CAST: variants seen among roughly 807,000 people sequenced by gnomAD.
CAST encodes MIR583 host.
CAST carries 76 observed loss-of-function variants against 119.6 expected under a neutral mutation model. The observed-to-expected ratio is 0.64, with a 90% confidence interval of 0.53 to 0.77. CAST has a LOEUF of 0.77. Ranked by LOEUF, CAST falls within the 30% of genes least tolerant of loss-of-function variation. The pLI, the probability that CAST is intolerant of heterozygous loss-of-function variation, is 0.00. For missense variants in CAST, 953 were observed against 946.5 expected, an observed-to-expected ratio of 1.01 and a Z score of -0.09; for synonymous variants, 319 against 331.6, an observed-to-expected ratio of 0.96 and a Z score of 0.41.
intron 1 of CAST, among the ~76,000 whole-genome samples, chr5:96,607,689 C>T (rs147020414): frequency 7.3e-6 from 1 of 137,088 alleles, no homozygotes; most frequent in Non-Finnish European, 1.6e-5. Flanking sequence ...CTGCTCTTTA[C>T]AATTAAGTTT....
At chr5:96,146,313 C>T in the CAST span, among the ~76,000 whole-genome samples, 1 of 152,186 alleles carries the variant, frequency 6.6e-6, no homozygotes, top group Admixed American at 6.5e-5. Context: ...TTCAGGTGGA[C>T]TCAAGGAAGA....
At chr5:96,245,993 G>A in the CAST span, among the ~76,000 whole-genome samples, 1 of 152,038 alleles carries the variant, frequency 6.6e-6, no homozygotes. Context: ...GAGGAGGCAG[G>A]TGATTGTAAA....
the CAST span, chr5:96,408,080 C>A: frequency 1.4e-6 from 1 of 696,844 alleles, no homozygotes; most frequent in Non-Finnish European, 2.6e-6. Flanking sequence ...TGGTTAGTGA[C>A]CTCGAAGTGG....
rs763115602 is a variant in CAST, at chr5:96,750,597, C to T, written c.1439C>T (p.Ala480Val). 2 of 1,611,474 alleles carry T rather than the reference C, an allele frequency of 1.2e-6. No individual in the cohort carries two copies. Among genetic ancestry groups the T allele is most frequent in the South Asian group, 1.1e-5 (1 of 91,030 alleles). Residue 480 changes from alanine to valine, a missense_variant, in exon 20 of 32, where the codon GCC becomes GTC. Coordinates refer to ENST00000675179, the MANE Select transcript of CAST (RefSeq NM_001750.7). ...TGTGTCTTTCCTCAGGAATCTAAGGCCGCTGCTCCAGCTCCTGTGTCGGAG... is the reference window on the plus strand; with the variant it reads ...TGTGTCTTTCCTCAGGAATCTAAGGTCGCTGCTCCAGCTCCTGTGTCGGAG... ...KPTEKTEESK[A>V]AAPAPVSEAV...
chr5:96,680,354 CAAAAAA>C (rs71617135), intron 2 of CAST, among the ~76,000 whole-genome samples: 12 of 29,292 alleles, frequency 4.1e-4, no homozygotes, highest in African/African-American at 1.8e-3. Context: ...GACTCTGTCT[CAAAAAA>C]AAAAAAAAAA....
the CAST span, among the ~76,000 whole-genome samples, chr5:96,058,138 G>C: frequency 1.3e-5 from 2 of 152,014 alleles, no homozygotes; most frequent in Admixed American, 1.3e-4. Context: ...CTTCCCTTCA[G>C]AACCAAATCA....
intron 9 of CAST, among the ~76,000 whole-genome samples, chr5:96,732,235 G>A (rs918029187): frequency 5.7e-5 from 8 of 140,018 alleles, no homozygotes; most frequent in Middle Eastern, 3.5e-3. Flanking sequence ...GTTTTGATTT[G>A]CATTTCTCTG....
chr5:96,210,222 G>C, the CAST span: 1 of 151,872 alleles, frequency 6.6e-6, no homozygotes, highest in Non-Finnish European at 1.5e-5. Flanking sequence ...CTGCCAAAGA[G>C]AGCACAAATC....
At chr5:96,167,649 T>C in the CAST span, among the ~76,000 whole-genome samples, 4 of 152,106 alleles carry the variant, frequency 2.6e-5, no homozygotes, top group Non-Finnish European at 2.9e-5. Context: ...CTAATAAAGG[T>C]TGGTCCATTA....
intron 12 of CAST, among the ~76,000 whole-genome samples, chr5:96,740,454 A>G (rs1363280209): frequency 6.6e-6 from 1 of 152,066 alleles, no homozygotes; most frequent in Non-Finnish European, 1.5e-5. Flanking sequence ...CCGTGTCTCT[A>G]CACACCGTCT....
the CAST span, among the ~76,000 whole-genome samples, chr5:96,207,399 C>T: frequency 6.6e-6 from 1 of 151,954 alleles, no homozygotes; most frequent in Non-Finnish European, 1.5e-5. Flanking sequence ...GGGAATACTT[C>T]CAGCTTTTGC....
At chr5:96,504,614 T>C in the CAST span, among the ~76,000 whole-genome samples, 1 of 152,018 alleles carries the variant, frequency 6.6e-6, no homozygotes, top group African/African-American at 2.4e-5. Context: ...CCCCTTCTCA[T>C]AGATTTATTG....
At chr5:96,160,508 T>C in the CAST span, among the ~76,000 whole-genome samples, 1 of 152,200 alleles carries the variant, frequency 6.6e-6, no homozygotes. Flanking sequence ...TATTCATTCA[T>C]CTACCGATAT....
the CAST span, chr5:96,400,047 C>T: frequency 6.2e-7 from 1 of 1,614,038 alleles, no homozygotes; most frequent in Non-Finnish European, 8.5e-7. Flanking sequence ...AGAGCTTTGG[C>T]ATTTAGCAAG....
At chr5:96,177,847 G>A in the CAST span, among the ~76,000 whole-genome samples, 6 of 152,296 alleles carry the variant, frequency 3.9e-5, no homozygotes, top group East Asian at 1.9e-4. Flanking sequence ...GTTTGGAGAC[G>A]TTTTGCAGCT....
the CAST span, among the ~76,000 whole-genome samples, chr5:96,451,788 G>T: frequency 5.5e-4 from 84 of 152,004 alleles, no homozygotes; most frequent in African/African-American, 1.9e-3. Flanking sequence ...AACTTAAACA[G>T]ATTTACAAGA....
At chr5:96,195,581 A>G in the CAST span, among the ~76,000 whole-genome samples, 2 of 152,220 alleles carry the variant, frequency 1.3e-5, no homozygotes, top group Non-Finnish European at 2.9e-5. Context: ...TCAATATAAC[A>G]TTTTATTATT....
the CAST span, among the ~76,000 whole-genome samples, chr5:96,280,689 T>C: frequency 6.6e-6 from 1 of 152,228 alleles, no homozygotes; most frequent in South Asian, 2.1e-4. Context: ...TGAAAATACT[T>C]CATGAACTAT....
chr5:96,022,589 T>C, the CAST span, among the ~76,000 whole-genome samples: 4 of 152,188 alleles, frequency 2.6e-5, no homozygotes, highest in African/African-American at 7.2e-5. Context: ...CATGACTCTT[T>C]CTTTTAATTC....
Sources: allele counts gnomAD v4.1 joint callset (sites outside exome capture counted in the v4.1 genomes callset), GRCh38; gene constraint gnomAD v4.1.1; transcripts MANE v1.5; gene names NCBI Gene and HGNC (gene_info 2026-07-23, HGNC 2026-07-21).